SAMD11: variants seen among roughly 807,000 people sequenced by gnomAD.
SAMD11 encodes the protein sterile alpha motif domain-containing protein 11.
SAMD11 carries 77 observed loss-of-function variants against 64.4 expected under a neutral mutation model. That is an observed-to-expected ratio of 1.20 (90% CI 0.99 to 1.44). The LOEUF (loss-of-function observed/expected upper bound fraction) is 1.44. Among genes scored for constraint, SAMD11 ranks in the 40% most tolerant of loss-of-function variants. SAMD11 has a pLI of 0.00. For synonymous variants in SAMD11, 658 were observed against 421.9 expected (o/e 1.56, Z -6.86); for missense variants, 1,402 against 943.3 (o/e 1.49, Z -6.37).
At position 942,112 on chromosome 1, in the gene SAMD11, C is replaced by A. The variant is rs550526348; in HGVS notation, c.1359-24C>A. On this transcript the variant is annotated intron_variant, in intron 8 of 13. Transcript: ENST00000616016. ...ACGGGAACGGGGGCGGGGGGGACGC[C>A]GCTCATTGCGCTGCCGTCCACAGGG... is the stretch of plus-strand genomic sequence containing the variant. 3.5e-5 allele frequency: 27 copies of A among 781,490 alleles called. No homozygotes were observed. In the African/African-American group the frequency reaches 3.6e-4, roughly 11 times the overall value. The allele number at this position is 781,490 out of a possible 1,614,324, so 48.4% of individuals were successfully genotyped here.
Position 939,430 on chromosome 1 carries a change from C to T in SAMD11, c.1195+18C>T, listed in dbSNP as rs1312393254. On this transcript the variant is annotated intron_variant, in intron 7 of 13. Coordinates refer to ENST00000616016, the MANE Select transcript of SAMD11 (RefSeq NM_001385641.1). ...CAGCCACGGTGAGGACCCACCCTGGCATGATCCCCCTCATCACCTCCCCAG... is the reference window on the plus strand; with the variant it reads ...CAGCCACGGTGAGGACCCACCCTGGTATGATCCCCCTCATCACCTCCCCAG... 2.1e-6 allele frequency: 3 copies of T among 1,441,994 alleles called. No homozygotes were observed. Among genetic ancestry groups the T allele is most frequent in the Non-Finnish European group, 1.9e-6 (2 of 1,044,594 alleles). The allele number at this position is 1,441,994 out of a possible 1,614,324, so 89.3% of individuals were successfully genotyped here. A position where few individuals can be genotyped will look rare whatever the true frequency, so the allele number is the denominator to read the frequency against.
At position 924,323 on chromosome 1, in the gene SAMD11, T is replaced by G. The variant is rs1014516245; in HGVS notation, c.-109T>G. 1.8e-4 allele frequency: 27 copies of G among 148,774 alleles called. No homozygotes were observed. Among genetic ancestry groups the G allele is most frequent in the African/African-American group, 6.3e-4 (26 of 40,978 alleles). The allele number at this position is 148,774 out of a possible 1,614,324, so 9.2% of individuals were successfully genotyped here. A position where few individuals can be genotyped will look rare whatever the true frequency, so the allele number is the denominator to read the frequency against. On this transcript the variant is annotated 5_prime_UTR_variant, in exon 1 of 14. Coordinates refer to ENST00000616016, the MANE Select transcript of SAMD11 (RefSeq NM_001385641.1). ...CGCCGGGGCGCACTAGCGGACGGCGTGGGCGCGCGGCCAGGCGCCTCCCCG... is the reference window on the plus strand; with the variant it reads ...CGCCGGGGCGCACTAGCGGACGGCGGGGGCGCGCGGCCAGGCGCCTCCCCG...
Position 942,969 on chromosome 1 carries a change from G to A in SAMD11, c.1964G>A (p.Gly655Glu). ...RGPTPGQAPAGGAGAEGKGLF... is the reference protein window; with the variant it reads ...RGPTPGQAPAEGAGAEGKGLF... ...CCCACTCCGGGCCAAGCTCCAGCTG[G>A]AGGGGCCGGCGCCGAGGGGAAGGGG... The change falls in exon 11 of 14, where the codon GGA becomes GAA. Residue 655 changes from glycine (G) to glutamate (E), a missense_variant. Coordinates refer to ENST00000616016, the MANE Select transcript of SAMD11 (RefSeq NM_001385641.1). 1 of 1,542,964 alleles carries A rather than the reference G, an allele frequency of 6.5e-7. No individual in the cohort carries two copies. The highest frequency in any genetic ancestry group is 8.7e-7 in the Non-Finnish European group (1 of 1,145,790).
intron 3 of SAMD11, 38 bp from the exon 4 acceptor site, chr1:931,001 T>C: frequency 6.2e-7 from 1 of 1,603,512 alleles, no homozygotes; most frequent in Non-Finnish European, 8.5e-7. Context: ...GTCAGGGGCC[T>C]CCAGAGCAAC....
chr1:942,655 C>T lies in SAMD11; in HGVS notation c.1650C>T (p.Gly550=), dbSNP rs1434910846. 2.8e-6 allele frequency: 4 copies of T among 1,434,880 alleles called. No individual in the cohort carries two copies. The highest frequency in any genetic ancestry group is 6.1e-5 in the East Asian group (2 of 32,622). The allele number at this position is 1,434,880 out of a possible 1,614,324, so 88.9% of individuals were successfully genotyped here. Reference sequence around the variant, plus strand: ...AGACCGCCCTGCGCCCCAACGACGGCGCCGAGGAGCTGCAGCGGCGCGGGG... The same window carrying T: ...AGACCGCCCTGCGCCCCAACGACGGTGCCGAGGAGCTGCAGCGGCGCGGGG... ...APETALRPND[G]AEELQRRGAL... is the part of the protein sequence containing the mutation. The change falls in exon 11 of 14, where the codon GGC becomes GGT. Residue 550 remains glycine, a synonymous_variant. Transcript: ENST00000616016.
intron 7 of SAMD11, 186 bp downstream of exon 7, chr1:939,598 C>T (rs762557706): frequency 4.8e-6 from 5 of 1,047,112 alleles, no homozygotes; most frequent in Non-Finnish European, 6.8e-6. Context: ...TGCCCCATGC[C>T]CCCTGGGGCG....
chr1:927,442 G>GC (rs553391854), intron 2 of SAMD11, among the ~76,000 whole-genome samples: 5,900 of 152,164 alleles, frequency 0.039, 356 homozygotes, highest in African/African-American at 0.13. Flanking sequence ...GCCAGGAGAT[G>GC]CCCCCCCACC....
chr1:943,998 G>C lies in SAMD11; in HGVS notation c.2380G>C (p.Glu794Gln), dbSNP rs1244008958. Reference sequence around the variant, plus strand: ...ACCAACCCTGCGGGCCCCGGAGCGAGAACTCGGCACAGGAGAGCAGCCCTT... The same window carrying C: ...ACCAACCCTGCGGGCCCCGGAGCGACAACTCGGCACAGGAGAGCAGCCCTT... ...QPPTLRAPERELGTGEQPLSP... is the reference protein window; with the variant it reads ...QPPTLRAPERQLGTGEQPLSP... The change falls in exon 14 of 14, where the codon GAA becomes CAA. Residue 794 changes from glutamate to glutamine, a missense_variant. Coordinates refer to ENST00000616016, the MANE Select transcript of SAMD11 (RefSeq NM_001385641.1). 2.5e-6 allele frequency: 4 copies of C among 1,612,748 alleles called. No individual in the cohort carries two copies. The highest frequency in any genetic ancestry group is 3.4e-6 in the Non-Finnish European group (4 of 1,180,004).
At chr1:939,186 G>C (rs1381962549) in intron 6 of SAMD11, 57 bp downstream of exon 6, 32 of 1,551,656 alleles carry the variant, frequency 2.1e-5, no homozygotes, top group Non-Finnish European at 2.7e-5. Flanking sequence ...AGTCCCTGAG[G>C]GTCCCCTGGA....
rs1355479820 is a variant in SAMD11, at chr1:943,643, G to C, written c.2179-55G>C. 2.7e-6 allele frequency: 4 copies of C among 1,464,120 alleles called. No individual in the cohort carries two copies. In the Admixed American group the frequency reaches 1.1e-4, roughly 39 times the overall value. 90.7% of individuals were successfully genotyped at this position (1,464,120 alleles called of 1,614,324 possible). A position where few individuals can be genotyped will look rare whatever the true frequency, so the allele number is the denominator to read the frequency against. On this transcript the variant is annotated intron_variant, in intron 12 of 13. Transcript: ENST00000616016. ...CAAACAGCTCCTCTTGGCTCTGCTG[G>C]GCTGGAGGATGGAGCAGCACCCGGG...
rs1212611306 is a variant in SAMD11 at position 924,058 on chromosome 1, C to G, written c.-374C>G. 4.7e-5 allele frequency: 7 copies of G among 150,206 alleles called. No individual in the cohort carries two copies. In the East Asian group the frequency reaches 1.4e-3, roughly 29 times the overall value. The allele number at this position is 150,206 out of a possible 1,614,324, so 9.3% of individuals were successfully genotyped here. A position where few individuals can be genotyped will look rare whatever the true frequency, so the allele number is the denominator to read the frequency against. On this transcript the variant is annotated 5_prime_UTR_variant, in exon 1 of 14. Coordinates refer to ENST00000616016, the MANE Select transcript of SAMD11 (RefSeq NM_001385641.1). ...CGGGGACTCCGCGACTCCTCGCTGC[C>G]GGGCTCGGCCTGGCGGGTGGGTCGG...
intron 4 of SAMD11, among the ~76,000 whole-genome samples, chr1:932,609 C>G (rs1395791330): frequency 5.7e-5 from 2 of 35,052 alleles, no homozygotes; most frequent in African/African-American, 6.4e-5. Context: ...CAGACCATGT[C>G]TGTGTTTCTT....
chr1:936,061 C>G (rs967812743), intron 5 of SAMD11, among the ~76,000 whole-genome samples, 165 bp downstream of exon 5: 4 of 152,216 alleles, frequency 2.6e-5, no homozygotes, highest in African/African-American at 9.6e-5. Context: ...TCCCAGCCAG[C>G]GGGGCAGACA....
chr1:943,657 G>C (rs764817739), intron 12 of SAMD11, 41 bp from the exon 13 acceptor site: 1 of 1,487,540 alleles, frequency 6.7e-7, no homozygotes, highest in African/African-American at 1.4e-5. Context: ...GGAGGATGGA[G>C]CAGCACCCGG....
In SAMD11 at chr1:944,389, CA is replaced by C. The variant is rs1642021439; in HGVS notation, c.*237del. The stretch of plus-strand genomic sequence containing the variant: ...GGAGGGCAGAGGTGGTGGAAGGGGC[CA>C]GGGGCCTGCAGGCCTCCCCCTGGAA... On this transcript the variant is annotated 3_prime_UTR_variant, in exon 14 of 14. Transcript: ENST00000616016. The C allele has an allele frequency of 2.0e-5, 25 of 1,271,438 alleles. No homozygotes were observed. The highest frequency in any genetic ancestry group is 2.4e-5 in the Non-Finnish European group (24 of 982,104). The allele number at this position is 1,271,438 out of a possible 1,614,324, so 78.8% of individuals were successfully genotyped here.
In SAMD11 at chr1:942,199, C is replaced by T; in HGVS notation, c.1422C>T (p.Pro474=). 1 of 1,374,194 alleles carries T rather than the reference C, an allele frequency of 7.3e-7. No individual in the cohort carries two copies. Among genetic ancestry groups the T allele is most frequent in the Non-Finnish European group, 9.4e-7 (1 of 1,060,214 alleles). 85.1% of individuals were successfully genotyped at this position (1,374,194 alleles called of 1,614,324 possible). A position where few individuals can be genotyped will look rare whatever the true frequency, so the allele number is the denominator to read the frequency against. ...PQNAPHVALG[P]HLRPPFLGVP... Reference sequence around the variant, plus strand: ...ATGCCCCTCACGTCGCCCTGGGCCCCCATCTCAGGCCCCCCTTCCTGGGGG... The same window carrying T: ...ATGCCCCTCACGTCGCCCTGGGCCCTCATCTCAGGCCCCCCTTCCTGGGGG... Residue 474 remains proline, a synonymous_variant, in exon 9 of 14, where the codon CCC becomes CCT. Transcript: ENST00000616016.
intron 12 of SAMD11, 32 bp from the exon 13 acceptor site, chr1:943,666 G>C: frequency 6.6e-7 from 1 of 1,508,644 alleles, no homozygotes. Context: ...AGCAGCACCC[G>C]GGTCCTGACC....
In SAMD11 at chr1:943,365, A is replaced by G. The variant is rs72902602; in HGVS notation, c.2166A>G (p.Gly722=). The change falls in exon 12 of 14, where the codon GGA becomes GGG. Residue 722 remains glycine (G), a synonymous_variant. Transcript: ENST00000616016. ...TCGTGGGGGGCCTGTCTGGCTGTGG[A>G]GAGTACACTCGGGTAAGGGGGGGCC... ...CSFVGGLSGC[G]EYTRVFREQG... is the part of the protein sequence containing the mutation. The G allele has an allele frequency of 1.9e-6, 3 of 1,568,750 alleles. No individual in the cohort carries two copies. The highest frequency in any genetic ancestry group is 2.6e-6 in the Non-Finnish European group (3 of 1,155,624).
rs1254235236 is a variant in SAMD11 at position 942,737 on chromosome 1, C to T, written c.1732C>T (p.Pro578Ser). The change falls in exon 11 of 14, where the codon CCC becomes TCC. Residue 578 changes from proline to serine, a missense_variant. By Grantham distance (74) the Pro-to-Ser change is moderately conservative. Transcript: ENST00000616016. The stretch of plus-strand genomic sequence containing the variant: ...ACTGCTGGCCCTGCCCCCCCAGGGG[C>T]CCCCGGGCTCCGGACCCCCCACCCC... ...APLLALPPQG[P>S]PGSGPPTPSR... 9 of 1,473,524 alleles carry T rather than the reference C, an allele frequency of 6.1e-6. No individual in the cohort carries two copies. The highest frequency in any genetic ancestry group is 8.0e-6 in the Non-Finnish European group (9 of 1,120,548). 91.3% of individuals were successfully genotyped at this position (1,473,524 alleles called of 1,614,324 possible).
Sources: gnomAD v4.1 joint callset for allele counts (sites outside exome capture counted in the v4.1 genomes callset) on GRCh38, gnomAD v4.1.1 for gene constraint, MANE v1.5 for transcripts, NCBI Gene and HGNC (gene_info 2026-07-23, HGNC 2026-07-21) for gene names.